Variants in HEYL observed in about 807,000 individuals in gnomAD.
The protein encoded by HEYL is hes related family bHLH transcription factor with YRPW motif like, also known as hairy/enhancer-of-split related with YRPW motif-like protein.
In HEYL, 12 loss-of-function variants were observed where a neutral mutation model predicts 18.6. That is an observed-to-expected ratio of 0.65 (90% CI 0.41 to 1.05). The LOEUF (loss-of-function observed/expected upper bound fraction) is 1.05. HEYL is among the 50% of genes least tolerant of loss of function. The pLI is 0.00. For synonymous variants in HEYL, 159 were observed against 179.6 expected (o/e 0.89, Z 0.91); for missense variants, 420 against 444.7 (o/e 0.94, Z 0.50).
At chr1:39,637,423 T>C (rs1646366835) in intron 1 of HEYL, among the ~76,000 whole-genome samples, 1 of 152,202 alleles carries the variant, frequency 6.6e-6, no homozygotes, top group Non-Finnish European at 1.5e-5. Flanking sequence ...TTATCTGCTT[T>C]CTTTGTACAT....
At position 39,626,900 on chromosome 1, in the gene HEYL, T is replaced by A. The variant is rs374656603; in HGVS notation, c.594A>T (p.Arg198Ser). The change falls in exon 5 of 5, where the codon AGA (arginine) becomes AGT (serine). Residue 198 changes from arginine (R) to serine (S), a missense_variant. Arg to Ser is a moderately radical substitution (Grantham distance 110). Transcript: ENST00000372852. The part of the protein sequence containing the change: ...ALSNQLAILG[R>S]VPSPVLPGVS... ...CACCGGGGAGGACAGGGCTGGGCAC[T>A]CTTCCCAGGATGGCGAGCTGGTTGC... 29 of 1,608,890 alleles carry A rather than the reference T, an allele frequency of 1.8e-5. No individual in the cohort carries two copies. Among genetic ancestry groups the A allele is most frequent in the Middle Eastern group, 3.3e-4 (2 of 6,074 alleles).
intron 4 of HEYL, among the ~76,000 whole-genome samples, chr1:39,628,206 C>T (rs188662688): frequency 6.6e-6 from 1 of 152,214 alleles, no homozygotes. Context: ...TGGGTGAGAA[C>T]CAAATCTGCT....
intron 1 of HEYL, chr1:39,633,450 A>C (rs1304007873): frequency 6.6e-6 from 1 of 152,292 alleles, no homozygotes; most frequent in Non-Finnish European, 1.5e-5. Flanking sequence ...AATAATCTCC[A>C]GCCCAACTGC....
At chr1:39,634,502 C>A (rs1646352441) in intron 1 of HEYL, among the ~76,000 whole-genome samples, 1 of 152,188 alleles carries the variant, frequency 6.6e-6, no homozygotes, top group Admixed American at 6.5e-5. Context: ...CCTATGAATG[C>A]ACCAACTCCT....
chr1:39,631,584 A>G lies in HEYL; in HGVS notation c.148-5T>C. Reference sequence around the variant, plus strand: ...TCGACGCCGTTTCTCTATGATCTAAACAATCATGACAAGAAGTTACTCACA... The same window carrying G: ...TCGACGCCGTTTCTCTATGATCTAAGCAATCATGACAAGAAGTTACTCACA... On this transcript the variant is annotated splice_region_variant and splice_polypyrimidine_tract_variant and intron_variant, in intron 2 of 4. Transcript: ENST00000372852. 6.2e-7 allele frequency: 1 copy of G among 1,613,590 alleles called. No individual in the cohort carries two copies. Among genetic ancestry groups the G allele is most frequent in the Non-Finnish European group, 8.5e-7 (1 of 1,179,480 alleles).
In HEYL at chr1:39,630,227, C is replaced by A. The variant is rs753540092; in HGVS notation, c.313G>T (p.Gly105Ter). 2.5e-6 allele frequency: 4 copies of A among 1,612,942 alleles called. No homozygotes were observed. The highest frequency in any genetic ancestry group is 2.5e-6 in the Non-Finnish European group (3 of 1,178,930). ...LKMLHATGGT[G>*]FFDARALAVD... The stretch of plus-strand genomic sequence containing the variant: ...GCCTGAAAGAGAAGAGCATGGGTAC[C>A]TGTCCCACCAGTGGCATGGAGCATT... The change falls in exon 4 of 5, where the codon GGA becomes TGA. Residue 105 changes from glycine (G) to a stop codon, truncating the protein, a stop_gained and splice_region_variant. Transcript: ENST00000372852. LOFTEE classifies it low-confidence loss of function (END_TRUNC).
intron 4 of HEYL, among the ~76,000 whole-genome samples, chr1:39,629,949 G>A (rs904490755): frequency 6.6e-6 from 1 of 152,196 alleles, no homozygotes; most frequent in African/African-American, 2.4e-5. Flanking sequence ...GGTTGGACAA[G>A]AGTGGGACCC....
rs754157225 is a variant in HEYL at position 39,627,083 on chromosome 1, C to T, written c.411G>A (p.Gly137=). ...GGACGGGGTCTGCACGGCTGCTGGG[C>T]CCTTCAAGGACCCCCAGGTACCTGA... is the stretch of plus-strand genomic sequence containing the variant. ...EVIRYLGVLE[G]PSSRADPVRI... Residue 137 remains glycine (G), a synonymous_variant, in exon 5 of 5, where the codon GGG becomes GGA. Transcript: ENST00000372852. 3 of 1,614,020 alleles carry T rather than the reference C, an allele frequency of 1.9e-6. No individual in the cohort carries two copies. The highest frequency in any genetic ancestry group is 2.7e-5 in the African/African-American group (2 of 74,914).
At chr1:39,630,677 G>A (rs1646328234) in intron 3 of HEYL, among the ~76,000 whole-genome samples, 1 of 152,142 alleles carries the variant, frequency 6.6e-6, no homozygotes. Flanking sequence ...TCACCTCCAT[G>A]GCTTTAGCCA....
At position 39,639,643 on chromosome 1, in the gene HEYL, T is replaced by C. The variant is rs967834190; in HGVS notation, c.-18A>G. The stretch of plus-strand genomic sequence containing the variant: ...CGCTTCATGGCGAACGCAGGCTGCC[T>C]GGTCTCAGCCCCGCGGCTAAGGCTC... On this transcript the variant is annotated 5_prime_UTR_variant, in exon 1 of 5. Transcript: ENST00000372852. 12 of 1,528,496 alleles carry C rather than the reference T, an allele frequency of 7.9e-6. No homozygotes were observed. Among genetic ancestry groups the C allele is most frequent in the Admixed American group, 5.8e-5 (3 of 51,452 alleles). 94.7% of individuals were successfully genotyped at this position (1,528,496 alleles called of 1,614,324 possible).
At chr1:39,639,086 A>G (rs768602806) in intron 1 of HEYL, among the ~76,000 whole-genome samples, 6 of 152,184 alleles carry the variant, frequency 3.9e-5, no homozygotes, top group South Asian at 4.1e-4. Flanking sequence ...CTTCTTCCTG[A>G]AATAATTTGT....
chr1:39,629,017 G>A (rs1180317), intron 4 of HEYL, among the ~76,000 whole-genome samples: 83,383 of 152,040 alleles, frequency 0.55, 24,091 homozygotes, highest in African/African-American at 0.75. Context: ...AAACTGAGGA[G>A]GGGAGAGGTT....
chr1:39,630,499 A>G (rs1275689640), intron 3 of HEYL, among the ~76,000 whole-genome samples, 191 bp from the exon 4 acceptor site: 2 of 152,182 alleles, frequency 1.3e-5, no homozygotes, highest in Non-Finnish European at 2.9e-5. Flanking sequence ...CCATCTGTCC[A>G]CTGTACAGCT....
intron 2 of HEYL, among the ~76,000 whole-genome samples, chr1:39,632,098 G>A (rs1367851000): frequency 2.6e-5 from 4 of 152,236 alleles, no homozygotes; most frequent in Non-Finnish European, 5.9e-5. Flanking sequence ...GAAAATGAGG[G>A]CTGGAAGGAA....
intron 1 of HEYL, among the ~76,000 whole-genome samples, chr1:39,637,532 C>T (rs1570445418): frequency 6.6e-6 from 1 of 152,310 alleles, no homozygotes; most frequent in South Asian, 2.1e-4. Context: ...CAGCAGGCAT[C>T]GTTCAGTGCT....
At position 39,625,863 on chromosome 1, in the gene HEYL, G is replaced by A. The variant is rs1459173366; in HGVS notation, c.*644C>T. ...GAGGGTGGGTGTCTGCTGCTGGGAGGAGGGTGGGAGCAGGCTCTGCTGGGC... is the reference window on the plus strand; with the variant it reads ...GAGGGTGGGTGTCTGCTGCTGGGAGAAGGGTGGGAGCAGGCTCTGCTGGGC... On this transcript the variant is annotated 3_prime_UTR_variant, in exon 5 of 5. Coordinates refer to ENST00000372852, the MANE Select transcript of HEYL (RefSeq NM_014571.4). 1 of 153,510 alleles carries A rather than the reference G, an allele frequency of 6.5e-6. No homozygotes were observed. Among genetic ancestry groups the A allele is most frequent in the African/African-American group, 2.4e-5 (1 of 41,484 alleles). 9.5% of individuals were successfully genotyped at this position (153,510 alleles called of 1,614,324 possible). A position where few individuals can be genotyped will look rare whatever the true frequency, so the allele number is the denominator to read the frequency against.
At chr1:39,629,606 C>T (rs1646321019) in intron 4 of HEYL, among the ~76,000 whole-genome samples, 1 of 152,220 alleles carries the variant, frequency 6.6e-6, no homozygotes, top group Non-Finnish European at 1.5e-5. Flanking sequence ...GTGGAGCTTT[C>T]AAGGTTTCCC....
chr1:39,638,802 G>T (rs1646372469), intron 1 of HEYL, among the ~76,000 whole-genome samples: 1 of 152,196 alleles, frequency 6.6e-6, no homozygotes, highest in African/African-American at 2.4e-5. Flanking sequence ...CCATGAAGTT[G>T]GTTCTATTAT....
At chr1:39,631,418 C>A (rs1646332036) in intron 3 of HEYL, 78 bp downstream of exon 3, 7 of 1,201,122 alleles carry the variant, frequency 5.8e-6, no homozygotes, top group Admixed American at 1.7e-5. Context: ...TACCAATCAA[C>A]AAGAGATGCC....
Sources: allele counts gnomAD v4.1 joint callset (sites outside exome capture counted in the v4.1 genomes callset), GRCh38; gene constraint gnomAD v4.1.1; transcripts MANE v1.5; gene names NCBI Gene and HGNC (gene_info 2026-07-23, HGNC 2026-07-21).